The following WDR49 variants were observed in gnomAD, a reference collection of about 807,000 sequenced individuals.
The protein encoded by WDR49 is cilia- and flagella-associated protein 337.
A neutral mutation model predicts 119.5 loss-of-function variants in WDR49; 107 were observed. The ratio of observed to expected loss-of-function variants is 0.90; its 90% confidence interval spans 0.77 to 1.05. WDR49 has a LOEUF of 1.05. Ranked by LOEUF, WDR49 falls within the 50% of genes least tolerant of loss-of-function variation. The pLI, the probability that WDR49 is intolerant of heterozygous loss-of-function variation, is 0.00. For synonymous variants in WDR49, 425 were observed against 418.8 expected, an observed-to-expected ratio of 1.01 and a Z score of -0.18; for missense variants, 1,240 against 1,220.5, an observed-to-expected ratio of 1.02 and a Z score of -0.24.
chr3:167,644,720 G>A (rs189260001), intron 2 of WDR49, among the ~76,000 whole-genome samples: 1 of 152,090 alleles, frequency 6.6e-6, no homozygotes, highest in African/African-American at 2.4e-5. Flanking sequence ...GTATACATGT[G>A]GTACATTTTA....
intron 2 of WDR49, among the ~76,000 whole-genome samples, chr3:167,631,196 A>G (rs1172113529): frequency 6.6e-6 from 1 of 152,084 alleles, no homozygotes; most frequent in Non-Finnish European, 1.5e-5. Context: ...CAGCAAACCA[A>G]CATGGCACAT....
At chr3:167,535,006 C>T (rs1752973538) in intron 11 of WDR49, among the ~76,000 whole-genome samples, 1 of 152,164 alleles carries the variant, frequency 6.6e-6, no homozygotes, top group South Asian at 2.1e-4. Context: ...TATGGATGAG[C>T]TTATTGTGTG....
intron 5 of WDR49, among the ~76,000 whole-genome samples, chr3:167,617,652 G>A (rs537635955): frequency 1.3e-5 from 2 of 152,258 alleles, no homozygotes; most frequent in Admixed American, 1.3e-4. Flanking sequence ...GAACTGGGAA[G>A]AGTCTATGCA....
intron 7 of WDR49, among the ~76,000 whole-genome samples, chr3:167,597,027 C>G (rs1342414372): frequency 1.3e-5 from 2 of 149,928 alleles, no homozygotes; most frequent in Non-Finnish European, 3.0e-5. Flanking sequence ...ACATAAGTAA[C>G]AAGGAGCCAA....
intron 2 of WDR49, among the ~76,000 whole-genome samples, chr3:167,634,940 T>C (rs1407638936): frequency 1.3e-5 from 2 of 151,860 alleles, no homozygotes; most frequent in Non-Finnish European, 2.9e-5. Flanking sequence ...TACATACATA[T>C]CTTTCTATGT....
At position 167,536,942 on chromosome 3, in the gene WDR49, A is replaced by T. The variant is rs778659484; in HGVS notation, c.1882T>A (p.Trp628Arg). ...TCATGGTGCTGTATACCTCCTTTCC[A>T]TTCTTCAGGCTGGATGAAAAATTGA... is the stretch of plus-strand genomic sequence containing the variant. Reference protein sequence around the residue: ...FNQFFIQPEEWKGGIQHHDDI... With the variant: ...FNQFFIQPEERKGGIQHHDDI... The change falls in exon 11 of 19, where the codon TGG (tryptophan) becomes AGG (arginine). Residue 628 changes from tryptophan to arginine, a missense_variant. Trp to Arg is a moderately radical substitution (Grantham distance 101). Coordinates refer to ENST00000682715, the MANE Select transcript of WDR49 (RefSeq NM_001366157.1). The T allele has an allele frequency of 6.3e-7, 1 of 1,592,388 alleles. No individual in the cohort carries two copies. The highest frequency in any genetic ancestry group is 1.1e-5 in the South Asian group (1 of 87,254).
At chr3:167,519,816 T>C (rs529398620) in intron 16 of WDR49, among the ~76,000 whole-genome samples, 1 of 152,248 alleles carries the variant, frequency 6.6e-6, no homozygotes, top group East Asian at 1.9e-4. Context: ...AAACCCTATA[T>C]ATCAGCACTG....
intron 8 of WDR49, among the ~76,000 whole-genome samples, chr3:167,570,138 C>T (rs769112844): frequency 4.0e-5 from 6 of 150,950 alleles, no homozygotes; most frequent in Non-Finnish European, 5.9e-5. Flanking sequence ...ACTGTATTAA[C>T]AGAATGGATG....
upstream of WDR49, among the ~76,000 whole-genome samples, chr3:167,656,770 C>T (rs932922338): frequency 2.0e-5 from 3 of 152,248 alleles, no homozygotes; most frequent in African/African-American, 4.8e-5. Flanking sequence ...CTGTAAAATC[C>T]ATAACTAGTG....
intron 2 of WDR49, among the ~76,000 whole-genome samples, chr3:167,641,792 A>T (rs541524869): frequency 6.6e-6 from 1 of 152,010 alleles, no homozygotes; most frequent in South Asian, 2.1e-4. Flanking sequence ...ACCAAACTAC[A>T]TTTAACAAAA....
intron 10 of WDR49, among the ~76,000 whole-genome samples, chr3:167,543,007 A>G (rs1711937471): frequency 1.3e-5 from 2 of 152,074 alleles, no homozygotes; most frequent in Admixed American, 1.3e-4. Flanking sequence ...CAAGGCAACT[A>G]TGAACACCTT....
chr3:167,620,334 G>C, intron 5 of WDR49, 95 bp downstream of exon 5: 1 of 1,292,428 alleles, frequency 7.7e-7, no homozygotes, highest in Non-Finnish European at 1.0e-6. Flanking sequence ...TTGGTTTCTA[G>C]ACTTAAAGGT....
chr3:167,576,795 T>A (rs1335540381), intron 7 of WDR49, among the ~76,000 whole-genome samples: 2 of 152,130 alleles, frequency 1.3e-5, no homozygotes, highest in Non-Finnish European at 2.9e-5. Flanking sequence ...TTCAAGCTAC[T>A]AAGTTTGTGC....
At chr3:167,527,678 T>G in intron 15 of WDR49, 142 bp downstream of exon 15, 2 of 829,984 alleles carry the variant, frequency 2.4e-6, no homozygotes, top group South Asian at 3.7e-5. Flanking sequence ...AAGAGTCGCC[T>G]GGAGCTACTG....
rs1401837285 is a variant in WDR49 at position 167,500,190 on chromosome 3, C to T, written c.2994G>A (p.Glu998=). 3 of 1,584,768 alleles carry T rather than the reference C, an allele frequency of 1.9e-6. No individual in the cohort carries two copies. Among genetic ancestry groups the T allele is most frequent in the African/African-American group, 1.4e-5 (1 of 72,580 alleles). Residue 998 remains glutamate (E), a synonymous_variant, in exon 18 of 19, where the codon GAG becomes GAA. Transcript: ENST00000682715. The part of the protein sequence containing the change: ...EKYFRKEPEE[E]RPQILEAPSL... ...ACGGGGCCTCCAGAATTTGGGGACG[C>T]TCTTCCTCTGGTTCTTTCCTAAAGT...
intron 7 of WDR49, among the ~76,000 whole-genome samples, chr3:167,597,923 T>C (rs1232259981): frequency 6.6e-6 from 1 of 152,196 alleles, no homozygotes; most frequent in African/African-American, 2.4e-5. Context: ...TTGTCTCAGA[T>C]AAGACTTTGG....
chr3:167,548,105 G>C (rs1305341743), intron 10 of WDR49, among the ~76,000 whole-genome samples: 3 of 152,016 alleles, frequency 2.0e-5, no homozygotes, highest in Admixed American at 1.3e-4. Flanking sequence ...AGACTTACTT[G>C]TAGGGTCCAT....
intron 15 of WDR49, among the ~76,000 whole-genome samples, chr3:167,527,062 C>A (rs148154488): frequency 1.8e-3 from 274 of 152,246 alleles, no homozygotes; most frequent in African/African-American, 6.5e-3. Flanking sequence ...TCCTTTCTTT[C>A]ATGACTCCCA....
chr3:167,601,667 T>C (rs967361613), intron 7 of WDR49, among the ~76,000 whole-genome samples: 4 of 152,174 alleles, frequency 2.6e-5, no homozygotes, highest in Non-Finnish European at 4.4e-5. Context: ...AATGAACTGA[T>C]ACATTTAATT....
Sources: allele counts gnomAD v4.1 joint callset (sites outside exome capture counted in the v4.1 genomes callset), GRCh38; gene constraint gnomAD v4.1.1; transcripts MANE v1.5; gene names NCBI Gene and HGNC (gene_info 2026-07-23, HGNC 2026-07-21).